The following PRPS1 variants were observed in gnomAD, a reference collection of about 807,000 sequenced individuals.
PRPS1 encodes the protein phosphoribosyl pyrophosphate synthetase 1, also known as ribose-phosphate pyrophosphokinase 1.
In PRPS1, 1 loss-of-function variant was observed where a neutral mutation model predicts 16.9. The observed-to-expected ratio is 0.06, with a 90% CI of 0.02 to 0.28. The LOEUF (loss-of-function observed/expected upper bound fraction) is 0.28, where lower values mean the gene tolerates loss of function less well. Ranked by LOEUF, PRPS1 falls within the 10% of genes least tolerant of loss-of-function variation. PRPS1 has a pLI of 1.00. For synonymous variants in PRPS1, 70 were observed against 90.2 expected (o/e 0.78, Z 1.27); for missense variants, 47 against 254.0 (o/e 0.19, Z 5.54).
chrX:107,640,800 G>C, intron 2 of PRPS1, 102 bp from the exon 3 acceptor site: 1 of 910,329 alleles, frequency 1.1e-6, no homozygotes, highest in Non-Finnish European at 1.6e-6. Flanking sequence ...GTACCATAGT[G>C]CCTTTAACAT....
intron 1 of PRPS1, 104 bp downstream of exon 1, chrX:107,628,854 G>A: frequency 1.8e-6 from 2 of 1,110,204 alleles, no homozygotes; most frequent in African/African-American, 1.8e-5. Flanking sequence ...GGGGTTGGGG[G>A]GAGAGGGTGC....
At chrX:107,648,177 A>G (rs1202328297) in intron 6 of PRPS1, among the ~76,000 whole-genome samples, 2 of 111,519 alleles carry the variant, frequency 1.8e-5, no homozygotes, top group Admixed American at 9.6e-5. Flanking sequence ...ACTTCTACCA[A>G]CTTTAGTGTT....
intron 6 of PRPS1, among the ~76,000 whole-genome samples, chrX:107,648,310 A>C: frequency 8.9e-6 from 1 of 112,296 alleles, no homozygotes; most frequent in East Asian, 2.8e-4. Flanking sequence ...TAATTGTTAG[A>C]AACTAAAGTT....
At chrX:107,638,612 G>A (rs1925498530) in intron 1 of PRPS1, among the ~76,000 whole-genome samples, 1 of 110,856 alleles carries the variant, frequency 9.0e-6, no homozygotes, top group South Asian at 3.8e-4. Flanking sequence ...GTAGAGATGG[G>A]GTCTCACTGT....
chrX:107,637,343 A>G (rs1925464571), intron 1 of PRPS1, among the ~76,000 whole-genome samples: 1 of 111,737 alleles, frequency 8.9e-6, no homozygotes, highest in African/African-American at 3.3e-5. Context: ...AGCATCTAGT[A>G]CAGTGATGAG....
At chrX:107,636,398 G>C (rs1411303268) in intron 1 of PRPS1, among the ~76,000 whole-genome samples, 1 of 112,585 alleles carries the variant, frequency 8.9e-6, no homozygotes, top group Non-Finnish European at 1.9e-5. Context: ...GGGATTACAG[G>C]CATGAGCCAC....
rs1925306387 is a variant in PRPS1, at chrX:107,631,413, T to C, written c.122+2663T>C. ...GCTAGTTCATGTAATTTTAAATAGC[T>C]ATATAGTCTTACCTTATGGTTATGC... On this transcript the variant is annotated intron_variant, in intron 1 of 6. Transcript: ENST00000372435. Among the ~76,000 whole-genome samples the C allele has an allele frequency of 1.8e-5, 2 of 111,555 alleles. 1 individual carries two copies. Among genetic ancestry groups the C allele is most frequent in the South Asian group, 7.4e-4 (2 of 2,705 alleles).
At chrX:107,632,981 T>G (rs1200422131) in intron 1 of PRPS1, among the ~76,000 whole-genome samples, 2 of 112,325 alleles carry the variant, frequency 1.8e-5, no homozygotes, top group Non-Finnish European at 3.8e-5. Flanking sequence ...TATTTATGTA[T>G]TTGCTTTCTA....
At chrX:107,635,883 AC>A (rs200264830) in intron 1 of PRPS1, among the ~76,000 whole-genome samples, 6,119 of 107,295 alleles carry the variant, frequency 0.057, 479 homozygotes, top group African/African-American at 0.2. Context: ...ACATGGTGAA[AC>A]CCCATCTCTA....
chrX:107,643,425 A>G (rs1035595712), intron 4 of PRPS1, among the ~76,000 whole-genome samples: 22 of 112,321 alleles, frequency 2.0e-4, no homozygotes, highest in African/African-American at 6.8e-4. Context: ...AAATAGTCAC[A>G]TTTGAAATAG....
In PRPS1 at chrX:107,634,676, A is replaced by G. The variant is rs1428076014; in HGVS notation, c.123-4619A>G. Among the ~76,000 whole-genome samples the G allele has an allele frequency of 2.7e-5, 3 of 111,029 alleles. No homozygotes were observed. In the East Asian group the frequency reaches 8.4e-4, roughly 31 times the overall value. On this transcript the variant is annotated intron_variant, in intron 1 of 6. Coordinates refer to ENST00000372435, the MANE Select transcript of PRPS1 (RefSeq NM_002764.4). The stretch of plus-strand genomic sequence containing the variant: ...AAATCCTAAGAATTTTATGGGTGAG[A>G]CCTCTAAATAGTGATATCGAGTAAC...
intron 1 of PRPS1, among the ~76,000 whole-genome samples, chrX:107,637,647 C>T (rs1473974240): frequency 1.8e-5 from 2 of 110,328 alleles, no homozygotes; most frequent in East Asian, 5.7e-4. Flanking sequence ...GTGTCTGTCA[C>T]ATGGTAATAT....
At chrX:107,633,573 G>A (rs1981582571) in intron 1 of PRPS1, among the ~76,000 whole-genome samples, 1 of 111,256 alleles carries the variant, frequency 9.0e-6, no homozygotes, top group Non-Finnish European at 1.9e-5. Flanking sequence ...TGTTTGATAA[G>A]TGATTTATAA....
At chrX:107,641,039 G>A in intron 3 of PRPS1, 39 bp downstream of exon 3, 2 of 1,211,735 alleles carry the variant, frequency 1.7e-6, no homozygotes, top group Non-Finnish European at 1.1e-6. Context: ...TGAAAGGTGG[G>A]AGGAAAGGAC....
In PRPS1 at chrX:107,640,061, G is replaced by A. The variant is rs142094002; in HGVS notation, c.306+583G>A. On this transcript the variant is annotated intron_variant, in intron 2 of 6. Coordinates refer to ENST00000372435, the MANE Select transcript of PRPS1 (RefSeq NM_002764.4). The stretch of plus-strand genomic sequence containing the variant: ...GAGTATAAAGTAAAGGGCATGGGCC[G>A]GGTGCGGTGGCTCACGCCTGCAATC... Among the ~76,000 whole-genome samples, 644 of 113,091 alleles carry A rather than the reference G, an allele frequency of 5.7e-3. 10 individuals are homozygous for A. Among genetic ancestry groups the A allele is most frequent in the African/African-American group, 0.019 (601 of 31,264 alleles).
chrX:107,636,072 A>C (rs1324089772), intron 1 of PRPS1, among the ~76,000 whole-genome samples: 1 of 108,340 alleles, frequency 9.2e-6, no homozygotes, highest in Non-Finnish European at 1.9e-5. Flanking sequence ...AAAAAAAAAA[A>C]AAAAACTGAA....
At chrX:107,636,280 G>A (rs1925440421) in intron 1 of PRPS1, among the ~76,000 whole-genome samples, 1 of 109,303 alleles carries the variant, frequency 9.1e-6, no homozygotes, top group African/African-American at 3.3e-5. Context: ...ATGTCCCCAC[G>A]CCTAATTTTT....
intron 1 of PRPS1, among the ~76,000 whole-genome samples, chrX:107,637,944 A>T (rs1342122074): frequency 7.7e-5 from 8 of 104,073 alleles, no homozygotes; most frequent in African/African-American, 2.8e-4. Context: ...ATATATATAT[A>T]TATATATTTT....
intron 1 of PRPS1, among the ~76,000 whole-genome samples, chrX:107,637,231 A>C (rs1925462154): frequency 9.0e-6 from 1 of 111,089 alleles, no homozygotes; most frequent in Non-Finnish European, 1.9e-5. Context: ...GCCCTACTTC[A>C]TACTTAGAGT....
Sources: gnomAD v4.1 joint callset for allele counts (sites outside exome capture counted in the v4.1 genomes callset) on GRCh38, gnomAD v4.1.1 for gene constraint, MANE v1.5 for transcripts, NCBI Gene and HGNC (gene_info 2026-07-23, HGNC 2026-07-21) for gene names.